ZFP82: variants seen among roughly 807,000 people sequenced by gnomAD.
ZFP82 encodes the protein ZFP82 zinc finger protein, also known as zinc finger protein 82 homolog.
ZFP82 carries 30 observed loss-of-function variants against 54.0 expected under a neutral mutation model. The observed-to-expected ratio is 0.56, with a 90% CI of 0.42 to 0.75. The LOEUF (loss-of-function observed/expected upper bound fraction) is 0.75. ZFP82 is among the 30% of genes least tolerant of loss of function. The pLI, the probability that ZFP82 is intolerant of heterozygous loss-of-function variation, is 0.00. For synonymous variants in ZFP82, 194 were observed against 209.5 expected, an observed-to-expected ratio of 0.93 and a Z score of 0.64; for missense variants, 500 against 636.8, an observed-to-expected ratio of 0.79 and a Z score of 2.31.
At chr19:36,413,266 C>T (rs1483437720) in intron 1 of ZFP82, among the ~76,000 whole-genome samples, 1 of 152,082 alleles carries the variant, frequency 6.6e-6, no homozygotes, top group Non-Finnish European at 1.5e-5. Flanking sequence ...CAAAAATAAG[C>T]TGGGCGTGGT....
chr19:36,391,472 GTTT>G lies in ZFP82; in HGVS notation c.*1266_*1268del, dbSNP rs36098066. On this transcript the variant is annotated 3_prime_UTR_variant, in exon 5 of 5. Transcript: ENST00000392161. The stretch of plus-strand genomic sequence containing the variant: ...CTGGGGCCAGAGAATACTGATTGTA[GTTT>G]TTTTTTTTTTTTGAGACAGGGTCTT... 5 of 143,358 alleles carry G rather than the reference GTTT, an allele frequency of 3.5e-5. No homozygotes were observed. The highest frequency in any genetic ancestry group is 7.0e-5 in the Admixed American group (1 of 14,382). 8.9% of individuals were successfully genotyped at this position (143,358 alleles called of 1,614,324 possible).
Position 36,393,885 on chromosome 19 carries a change from T to C in ZFP82, c.455A>G (p.Gln152Arg). ...KMPSEKVSSY[Q>R]KRTSVTPHQR... ...ATGTGGAGTAACAGATGTGCGTTTC[T>C]GGTAAGAGGACACCTTTTCAGATGG... Residue 152 changes from glutamine (Q) to arginine (R), a missense_variant, in exon 5 of 5, where the codon CAG (glutamine) becomes CGG (arginine). By Grantham distance (43) the Gln-to-Arg change is conservative. Coordinates refer to ENST00000392161, the MANE Select transcript of ZFP82 (RefSeq NM_133466.4). The C allele has an allele frequency of 6.2e-7, 1 of 1,614,206 alleles. No homozygotes were observed.
chr19:36,407,135 G>A (rs1261375196), intron 3 of ZFP82, among the ~76,000 whole-genome samples: 1 of 142,946 alleles, frequency 7.0e-6, no homozygotes, highest in Non-Finnish European at 1.5e-5. Context: ...GGAGTGCAGT[G>A]GCGGGATCTC....
chr19:36,406,469 G>A (rs1187568323), intron 3 of ZFP82, among the ~76,000 whole-genome samples: 1 of 151,918 alleles, frequency 6.6e-6, no homozygotes, highest in Non-Finnish European at 1.5e-5. Flanking sequence ...GCCTTTTCTG[G>A]GCATTTCATA....
At chr19:36,403,304 C>T (rs1347458419) in intron 4 of ZFP82, among the ~76,000 whole-genome samples, 2 of 123,890 alleles carry the variant, frequency 1.6e-5, no homozygotes, top group African/African-American at 3.2e-5. Context: ...GCCTGGGGAA[C>T]AGAGTAAGAC....
intron 1 of ZFP82, among the ~76,000 whole-genome samples, chr19:36,417,453 G>A (rs2032692165): frequency 6.6e-6 from 1 of 152,170 alleles, no homozygotes; most frequent in Non-Finnish European, 1.5e-5. Context: ...CATGTCCTAA[G>A]AAATAAGAAT....
At chr19:36,402,484 A>G (rs1479773454) in intron 4 of ZFP82, among the ~76,000 whole-genome samples, 1 of 151,254 alleles carries the variant, frequency 6.6e-6, no homozygotes, top group African/African-American at 2.4e-5. Context: ...AAAAAAAAAA[A>G]AAAGATTAGG....
chr19:36,397,241 C>T (rs984392962), intron 4 of ZFP82, among the ~76,000 whole-genome samples: 3 of 151,854 alleles, frequency 2.0e-5, no homozygotes, highest in African/African-American at 4.8e-5. Context: ...TACAGGCACA[C>T]ACCACCACGC....
intron 2 of ZFP82, among the ~76,000 whole-genome samples, chr19:36,408,373 T>G (rs1159830266): frequency 1.3e-5 from 2 of 152,206 alleles, no homozygotes; most frequent in Non-Finnish European, 2.9e-5. Context: ...CTTCCGCCCC[T>G]TTCTTCTTAA....
chr19:36,406,933 T>G (rs2032491884), intron 3 of ZFP82, among the ~76,000 whole-genome samples: 1 of 152,214 alleles, frequency 6.6e-6, no homozygotes, highest in South Asian at 2.1e-4. Flanking sequence ...TATTTATCAT[T>G]TCTTTTCTTT....
intron 4 of ZFP82, chr19:36,394,574 A>G (rs1038128946): frequency 6.0e-6 from 1 of 166,164 alleles, no homozygotes; most frequent in African/African-American, 2.4e-5. Flanking sequence ...GCTTACCTAC[A>G]TCATATGATC....
At chr19:36,417,121 T>TAA (rs2032687350) in intron 1 of ZFP82, among the ~76,000 whole-genome samples, 2 of 149,240 alleles carry the variant, frequency 1.3e-5, no homozygotes, top group African/African-American at 4.9e-5. Flanking sequence ...TTAGACTATT[T>TAA]AAGCATCTGA....
chr19:36,393,942 G>A lies in ZFP82; in HGVS notation c.398C>T (p.Pro133Leu). The A allele has an allele frequency of 6.2e-7, 1 of 1,614,026 alleles. No individual in the cohort carries two copies. Residue 133 changes from proline (P) to leucine (L), a missense_variant, in exon 5 of 5, where the codon CCT becomes CTT. Physicochemically the swap from Pro to Leu is moderately conservative, Grantham distance 98. Coordinates refer to ENST00000392161, the MANE Select transcript of ZFP82 (RefSeq NM_133466.4). ...STGKIEGQERPQEGYFSSVKM... is the reference protein window; with the variant it reads ...STGKIEGQERLQEGYFSSVKM... ...CACACTACTGAAGTATCCTTCTTGA[G>A]GTCTCTCCTGTCCTTCAATTTTTCC...
At chr19:36,388,284 T>A (rs958289859), downstream of ZFP82, among the ~76,000 whole-genome samples, 1 of 152,194 alleles carries the variant, frequency 6.6e-6, no homozygotes, top group African/African-American at 2.4e-5. Flanking sequence ...CATTTTGCTT[T>A]TTAGGAGGTA....
intron 4 of ZFP82, among the ~76,000 whole-genome samples, chr19:36,396,482 C>G (rs2032295478): frequency 6.6e-6 from 1 of 151,996 alleles, no homozygotes; most frequent in Admixed American, 6.6e-5. Context: ...CCCGTCTCTA[C>G]TAAAAATAGA....
chr19:36,402,468 C>CAAAGAAAAAAAAA, intron 4 of ZFP82, among the ~76,000 whole-genome samples: 1 of 57,444 alleles, frequency 1.7e-5, no homozygotes, highest in South Asian at 8.2e-4. Flanking sequence ...GACTCCATCT[C>CAAAGAAAAAAAAA]AAAAAAAAAA....
intron 1 of ZFP82, among the ~76,000 whole-genome samples, chr19:36,417,894 G>A (rs2032700384): frequency 6.6e-6 from 1 of 152,108 alleles, no homozygotes; most frequent in South Asian, 2.1e-4. Flanking sequence ...GGGAGCGGGG[G>A]CTCGTTCAGT....
In ZFP82 at chr19:36,393,344, A is replaced by G. The variant is rs896046975; in HGVS notation, c.996T>C (p.His332=). Residue 332 remains histidine (H), a synonymous_variant, in exon 5 of 5, where the codon CAT becomes CAC. Coordinates refer to ENST00000392161, the MANE Select transcript of ZFP82 (RefSeq NM_133466.4). ...GSGLRVHHKL[H]TGEKPYECKE... The stretch of plus-strand genomic sequence containing the variant: ...TACATTCATAGGGTTTCTCACCAGT[A>G]TGAAGTTTGTGATGTACTCTAAGAC... The G allele has an allele frequency of 5.6e-6, 9 of 1,614,008 alleles. No homozygotes were observed. In the African/African-American group the frequency reaches 6.7e-5, roughly 12 times the overall value.
rs145778120 is a variant in ZFP82, at chr19:36,410,725, A to C, written c.-78-858T>G. Among the ~76,000 whole-genome samples the C allele has an allele frequency of 4.8e-3, 724 of 150,162 alleles. 8 individuals carry two copies. Among genetic ancestry groups the C allele is most frequent in the African/African-American group, 0.017 (689 of 40,960 alleles). On this transcript the variant is annotated intron_variant, in intron 1 of 4. Coordinates refer to ENST00000392161, the MANE Select transcript of ZFP82 (RefSeq NM_133466.4). Reference sequence around the variant, plus strand: ...ACCATATTCACCAGGCTGGTCTCGAACTCCTGACTTCATGATCCGCCCGCC... The same window carrying C: ...ACCATATTCACCAGGCTGGTCTCGACCTCCTGACTTCATGATCCGCCCGCC...
Sources: allele counts gnomAD v4.1 joint callset (sites outside exome capture counted in the v4.1 genomes callset), GRCh38; gene constraint gnomAD v4.1.1; transcripts MANE v1.5; gene names NCBI Gene and HGNC (gene_info 2026-07-23, HGNC 2026-07-21).